The following RECK variants were observed in gnomAD, a reference collection of about 807,000 sequenced individuals.
RECK encodes reversion inducing cysteine rich protein with kazal motifs, also known as reversion-inducing cysteine-rich protein with Kazal motifs.
A neutral mutation model predicts 115.1 loss-of-function variants in RECK; 69 were observed. The ratio of observed to expected loss-of-function variants is 0.60; its 90% confidence interval spans 0.49 to 0.73. The LOEUF is 0.73. Ranked by LOEUF, RECK falls within the 30% of genes least tolerant of loss-of-function variation. The pLI is 0.00. For missense variants in RECK, 1,047 were observed against 1,203.7 expected (o/e 0.87, Z 1.93); for synonymous variants, 414 against 419.7 (o/e 0.99, Z 0.17).
intron 1 of RECK, among the ~76,000 whole-genome samples, chr9:36,048,285 T>C (rs1480718905): frequency 6.6e-6 from 1 of 151,758 alleles, no homozygotes; most frequent in Non-Finnish European, 1.5e-5. Flanking sequence ...CTATCCTCTT[T>C]TCAGTCTTCT....
intron 1 of RECK, among the ~76,000 whole-genome samples, chr9:36,041,771 C>CT (rs35445082): frequency 0.45 from 57,413 of 127,562 alleles, 13,630 homozygotes; most frequent in South Asian, 0.58. Context: ...AATCAGCTTC[C>CT]TTTTTTTTTT....
At chr9:36,118,670 G>T in intron 17 of RECK, 87 bp from the exon 18 acceptor site, 3 of 1,277,796 alleles carry the variant, frequency 2.3e-6, no homozygotes, top group Admixed American at 4.3e-5. Context: ...TTTCCTTCCT[G>T]AAAATAGGGA....
intron 17 of RECK, 137 bp downstream of exon 17, chr9:36,117,314 T>A: frequency 1.5e-6 from 1 of 646,064 alleles, no homozygotes; most frequent in Non-Finnish European, 2.5e-6. Flanking sequence ...AGTCCTCCAC[T>A]AAAAAGGAAG....
intron 19 of RECK, 34 bp from the exon 20 acceptor site, chr9:36,121,499 T>C (rs1361735520): frequency 1.3e-6 from 2 of 1,598,178 alleles, no homozygotes; most frequent in Non-Finnish European, 1.7e-6. Flanking sequence ...GGAATTCTTC[T>C]TTTTTTCAGG....
intron 15 of RECK, among the ~76,000 whole-genome samples, chr9:36,112,016 C>T (rs530107866): frequency 1.7e-4 from 25 of 148,214 alleles, no homozygotes; most frequent in South Asian, 4.4e-4. Context: ...CCAGCTACTC[C>T]GGAGGCTGAG....
At chr9:36,080,991 C>G (rs1410793336) in intron 7 of RECK, among the ~76,000 whole-genome samples, 1 of 152,084 alleles carries the variant, frequency 6.6e-6, no homozygotes, top group African/African-American at 2.4e-5. Context: ...GACCTGTACA[C>G]AAAGAATGCT....
chr9:36,108,257 G>A, intron 14 of RECK, 93 bp downstream of exon 14: 1 of 919,870 alleles, frequency 1.1e-6, no homozygotes, highest in Non-Finnish European at 1.6e-6. Flanking sequence ...CACAGAGTAA[G>A]GTCTGCATAT....
rs191938424 is a variant in RECK, at chr9:36,120,031, G to A, written c.2465-632G>A. ...AGGCGGATCACGAGATCAGGAGATCGAAACCATCCTGACTAACACGGTGAA... is the reference window on the plus strand; with the variant it reads ...AGGCGGATCACGAGATCAGGAGATCAAAACCATCCTGACTAACACGGTGAA... On this transcript the variant is annotated intron_variant, in intron 18 of 20. Coordinates refer to ENST00000377966, the MANE Select transcript of RECK (RefSeq NM_021111.3). 6.6e-5 allele frequency among the ~76,000 whole-genome samples: 10 copies of A among 152,140 alleles called. No homozygotes were observed. The East Asian group carries it at 1.4e-3, about 21-fold the overall frequency.
chr9:36,100,487 T>A lies in RECK; in HGVS notation c.1242T>A (p.Ala414=). 6.2e-7 allele frequency: 1 copy of A among 1,614,156 alleles called. No individual in the cohort carries two copies. Among genetic ancestry groups the A allele is most frequent in the Non-Finnish European group, 8.5e-7 (1 of 1,180,006 alleles). The change falls in exon 11 of 21, where the codon GCT becomes GCA. Residue 414 remains alanine (A), a synonymous_variant. Coordinates refer to ENST00000377966, the MANE Select transcript of RECK (RefSeq NM_021111.3). ...AGCCAGAGATGTGGAAAGCAATAGC[T>A]TGTTCACTGCAGATTAAACCTTGTC... ...KCQPEMWKAI[A]CSLQIKPCHS...
intron 1 of RECK, among the ~76,000 whole-genome samples, chr9:36,044,794 C>T (rs2132550943): frequency 6.6e-6 from 1 of 152,196 alleles, no homozygotes; most frequent in South Asian, 2.1e-4. Context: ...GCATTTCAGG[C>T]AGAGGACTGC....
intron 10 of RECK, among the ~76,000 whole-genome samples, chr9:36,095,739 C>G (rs1270496017): frequency 6.6e-6 from 1 of 151,606 alleles, no homozygotes; most frequent in Admixed American, 6.6e-5. Flanking sequence ...GAGTTTGAGA[C>G]CAGCCTGGGC....
intron 14 of RECK, among the ~76,000 whole-genome samples, chr9:36,109,145 C>T (rs1272409774): frequency 6.6e-6 from 1 of 152,062 alleles, no homozygotes; most frequent in Non-Finnish European, 1.5e-5. Flanking sequence ...AATATCAGGA[C>T]AGATTCATTC....
intron 10 of RECK, among the ~76,000 whole-genome samples, chr9:36,097,216 T>C (rs1181569805): frequency 6.6e-6 from 1 of 151,036 alleles, no homozygotes; most frequent in African/African-American, 2.4e-5. Context: ...TAGTCTCAGC[T>C]ACTTGGGAGG....
chr9:36,101,777 T>C (rs982566889), intron 11 of RECK, among the ~76,000 whole-genome samples: 5 of 152,210 alleles, frequency 3.3e-5, no homozygotes, highest in Non-Finnish European at 5.9e-5. Context: ...GAAGTGAGGA[T>C]ATATGATTTT....
intron 6 of RECK, among the ~76,000 whole-genome samples, chr9:36,068,062 C>T (rs548060519): frequency 1.1e-4 from 17 of 152,216 alleles, no homozygotes; most frequent in Admixed American, 3.9e-4. Context: ...TTTTGAGGCT[C>T]AACTCATTAT....
At chr9:36,039,954 A>G (rs1250501702) in intron 1 of RECK, among the ~76,000 whole-genome samples, 1 of 152,188 alleles carries the variant, frequency 6.6e-6, no homozygotes, top group East Asian at 1.9e-4. Context: ...AATTTAAGCA[A>G]TCTTTCATTA....
At position 36,037,708 on chromosome 9, in the gene RECK, T is replaced by C. The variant is rs537033386; in HGVS notation, c.100+610T>C. On this transcript the variant is annotated intron_variant, in intron 1 of 20. Transcript: ENST00000377966. ...TAGGAAACTGTTAAGTGCTTATTGATTGCTTCCCGCTTGCTGGCCTTTTGA... is the reference window on the plus strand; with the variant it reads ...TAGGAAACTGTTAAGTGCTTATTGACTGCTTCCCGCTTGCTGGCCTTTTGA... 3.3e-5 allele frequency among the ~76,000 whole-genome samples: 5 copies of C among 151,896 alleles called. No homozygotes were observed. In the South Asian group the frequency reaches 1.0e-3, roughly 32 times the overall value.
chr9:36,047,407 A>G (rs1044874996), intron 1 of RECK, among the ~76,000 whole-genome samples: 1 of 152,128 alleles, frequency 6.6e-6, no homozygotes, highest in African/African-American at 2.4e-5. Flanking sequence ...CCAGGAGTTC[A>G]AGACCAGCCT....
At chr9:36,102,330 A>G in intron 12 of RECK, 100 bp downstream of exon 12, 1 of 1,042,650 alleles carries the variant, frequency 9.6e-7, no homozygotes, top group Non-Finnish European at 1.4e-6. Context: ...ATCTGTTGAG[A>G]ACATGGGATT....
Sources: gnomAD v4.1 joint callset for allele counts (sites outside exome capture counted in the v4.1 genomes callset) on GRCh38, gnomAD v4.1.1 for gene constraint, MANE v1.5 for transcripts, NCBI Gene and HGNC (gene_info 2026-07-23, HGNC 2026-07-21) for gene names.